Variants in SLC26A11 observed in about 807,000 individuals in gnomAD.
The protein encoded by SLC26A11 is solute carrier family 26 member 11.
In SLC26A11, 58 loss-of-function variants were observed where a neutral mutation model predicts 62.2. The observed-to-expected ratio is 0.93, with a 90% CI of 0.76 to 1.16. The LOEUF is 1.16. Ranked by LOEUF, SLC26A11 falls within the 50% of genes most tolerant of loss-of-function variation. SLC26A11 has a pLI of 0.00. For missense variants in SLC26A11, 790 were observed against 794.3 expected (o/e 0.99, Z 0.06); for synonymous variants, 411 against 368.9 (o/e 1.11, Z -1.31).
At chr17:80,225,732 C>T in intron 5 of SLC26A11, 105 bp from the exon 6 acceptor site, 1 of 1,007,220 alleles carries the variant, frequency 9.9e-7, no homozygotes, top group South Asian at 1.4e-5. Flanking sequence ...GGGAGCAGGG[C>T]CGGGGGACAC....
At chr17:80,244,929 C>T (rs2042954788) in intron 10 of SLC26A11, among the ~76,000 whole-genome samples, 3 of 144,114 alleles carry the variant, frequency 2.1e-5, no homozygotes, top group South Asian at 2.3e-4. Flanking sequence ...GAGCTGAGAT[C>T]GCGCCACTGC....
intron 5 of SLC26A11, among the ~76,000 whole-genome samples, chr17:80,224,211 ATGAG>A (rs796660814): frequency 1.3e-3 from 195 of 148,136 alleles, no homozygotes; most frequent in East Asian, 5.9e-3. Flanking sequence ...GAGTGTGTGA[ATGAG>A]TGAGTGTGTG....
Position 80,228,738 on chromosome 17 carries a change from G to A in SLC26A11, c.736+778G>A, listed in dbSNP as rs1384433008. Among the ~76,000 whole-genome samples the A allele has an allele frequency of 3.3e-5, 5 of 152,254 alleles. No individual in the cohort carries two copies. The highest frequency in any genetic ancestry group is 7.3e-5 in the Non-Finnish European group (5 of 68,050). Reference sequence around the variant, plus strand: ...GGTGGAGAAACACAGTCTACTGGCAGGTCCTGGGGAGACAGAACAAATTCC... The same window carrying A: ...GGTGGAGAAACACAGTCTACTGGCAAGTCCTGGGGAGACAGAACAAATTCC... On this transcript the variant is annotated intron_variant, in intron 7 of 17. Coordinates refer to ENST00000361193, the MANE Select transcript of SLC26A11 (RefSeq NM_001166347.2). The surrounding 1 kb of genome is among the most constrained non-coding windows in gnomAD (Gnocchi z 4.1).
At chr17:80,229,693 G>T (rs1453068721) in intron 7 of SLC26A11, among the ~76,000 whole-genome samples, 1 of 152,108 alleles carries the variant, frequency 6.6e-6, no homozygotes, top group Non-Finnish European at 1.5e-5. Context: ...GCCTCCCAAA[G>T]TGCTGAGATT....
intron 17 of SLC26A11, among the ~76,000 whole-genome samples, chr17:80,251,618 C>T (rs2043158499): frequency 6.6e-6 from 1 of 152,066 alleles, no homozygotes; most frequent in South Asian, 2.1e-4. Flanking sequence ...CAAAAATTAG[C>T]TGGGTGTGGT....
At chr17:80,248,732 TC>T in intron 15 of SLC26A11, 58 bp downstream of exon 15, 1 of 1,480,454 alleles carries the variant, frequency 6.8e-7, no homozygotes, top group South Asian at 1.2e-5. Flanking sequence ...TGCCCCCCAC[TC>T]CCTGCTGTTC....
In SLC26A11 at chr17:80,221,611, G is replaced by T; in HGVS notation, c.51G>T (p.Gly17=). 1 of 1,608,366 alleles carries T rather than the reference G, an allele frequency of 6.2e-7. No individual in the cohort carries two copies. Among genetic ancestry groups the T allele is most frequent in the Non-Finnish European group, 8.5e-7 (1 of 1,179,656 alleles). ...ALGQARSSGP[G]MAPSACCCSP... ...GTCAGGCCAGGTCCTCTGGCCCCGG[G>T]ATGGCCCCGAGCGCCTGCTGCTGCT... Residue 17 remains glycine, a synonymous_variant, in exon 3 of 18, where the codon GGG becomes GGT. Coordinates refer to ENST00000361193, the MANE Select transcript of SLC26A11 (RefSeq NM_001166347.2).
rs1213879337 is a variant in SLC26A11 at position 80,246,265 on chromosome 17, G to A, written c.1153+56G>A. 132 of 1,572,312 alleles carry A rather than the reference G, an allele frequency of 8.4e-5. No individual in the cohort carries two copies. Among genetic ancestry groups the A allele is most frequent in the Non-Finnish European group, 1.1e-4 (131 of 1,159,152 alleles). ...CAGCCCTGAGAGTGGGAGAAAGGGA[G>A]GAGGGGGCCCACAGAGACGTCCCTT... On this transcript the variant is annotated intron_variant, in intron 12 of 17. Transcript: ENST00000361193. The surrounding 1 kb of genome is among the most constrained non-coding windows in gnomAD (Gnocchi z 4.4).
At position 80,222,415 on chromosome 17, in the gene SLC26A11, A is replaced by C; in HGVS notation, c.235-240A>C. ...AGAATGCTTCCTCAGACTTGGACAC[A>C]GCACACGGGCCTGCACCGACCCCTC... On this transcript the variant is annotated intron_variant, in intron 3 of 17. Coordinates refer to ENST00000361193, the MANE Select transcript of SLC26A11 (RefSeq NM_001166347.2). The surrounding 1 kb of genome is among the most constrained non-coding windows in gnomAD (Gnocchi z 4.7). 4.3e-6 allele frequency: 2 copies of C among 469,208 alleles called. No individual in the cohort carries two copies. The highest frequency in any genetic ancestry group is 4.5e-5 in the South Asian group (1 of 22,284). 29.1% of individuals were successfully genotyped at this position (469,208 alleles called of 1,614,324 possible). A position where few individuals can be genotyped will look rare whatever the true frequency, so the allele number is the denominator to read the frequency against.
intron 2 of SLC26A11, 68 bp from the exon 3 acceptor site, chr17:80,221,480 G>T: frequency 1.7e-6 from 2 of 1,205,632 alleles, no homozygotes; most frequent in South Asian, 3.1e-5. Flanking sequence ...CGCCGACCCT[G>T]ACCAGTGTTG....
In SLC26A11 at chr17:80,236,963, G is replaced by T; in HGVS notation, c.772G>T (p.Val258Phe). Residue 258 changes from valine (V) to phenylalanine (F), a missense_variant, in exon 8 of 18, where the codon GTT (valine) becomes TTT (phenylalanine). By Grantham distance (50) the Val-to-Phe change is conservative. Coordinates refer to ENST00000361193, the MANE Select transcript of SLC26A11 (RefSeq NM_001166347.2). The stretch of plus-strand genomic sequence containing the variant: ...CCTGGTGGTCTCCTTCGCAGCCCTG[G>T]TTGCGTACTCCTTCGAGGTGACTGG... ...NALVVSFAAL[V>F]AYSFEVTGYQ... 4 of 1,613,988 alleles carry T rather than the reference G, an allele frequency of 2.5e-6. No homozygotes were observed. Among genetic ancestry groups the T allele is most frequent in the Non-Finnish European group, 3.4e-6 (4 of 1,179,902 alleles).
chr17:80,220,522 C>T lies in SLC26A11; in HGVS notation c.-214+26C>T. ...GTGAGTCCGTGGCCCGCGAGGGCGG[C>T]GAGCGGGGACCAGGGGCAGGGGGAG... On this transcript the variant is annotated intron_variant, in intron 1 of 17. Coordinates refer to ENST00000361193, the MANE Select transcript of SLC26A11 (RefSeq NM_001166347.2). 6.8e-6 allele frequency: 3 copies of T among 438,434 alleles called. No individual in the cohort carries two copies. In the East Asian group the frequency reaches 1.1e-4, roughly 17 times the overall value. The allele number at this position is 438,434 out of a possible 1,614,324, so 27.2% of individuals were successfully genotyped here.
Position 80,243,605 on chromosome 17 carries a change from C to T in SLC26A11, c.1037-1591C>T, listed in dbSNP as rs142729873. On this transcript the variant is annotated intron_variant, in intron 10 of 17. Transcript: ENST00000361193. ...TAGGACGAGGTTTTGCCATGTTGGC[C>T]AGGCGGGTCTCAAGCTGCTGACCTC... 7.6e-3 allele frequency among the ~76,000 whole-genome samples: 1,165 copies of T among 152,290 alleles called. 66 individuals carry two copies. Among genetic ancestry groups the T allele is most frequent in the Admixed American group, 0.069 (1,063 of 15,296 alleles).
chr17:80,239,953 G>A (rs118190870), intron 9 of SLC26A11, among the ~76,000 whole-genome samples: 1,904 of 152,378 alleles, frequency 0.012, 13 homozygotes, highest in Non-Finnish European at 0.019. Context: ...TGTGCTGTCC[G>A]TGGCTGCTTT....
In SLC26A11 at chr17:80,228,596, C is replaced by T. The variant is rs138469401; in HGVS notation, c.736+636C>T. Among the ~76,000 whole-genome samples the T allele has an allele frequency of 2.9e-3, 442 of 152,330 alleles. 6 individuals are homozygous for T. The highest frequency in any genetic ancestry group is 0.01 in the African/African-American group (426 of 41,582). ...GGGAAACATTTTTGGTGGATACCAC[C>T]GGGCGAGGCAGTTGCTGGCAACTAG... On this transcript the variant is annotated intron_variant, in intron 7 of 17. Coordinates refer to ENST00000361193, the MANE Select transcript of SLC26A11 (RefSeq NM_001166347.2). This position sits in a 1 kb window ranked among gnomAD's most constrained non-coding sequence, Gnocchi z 4.1.
At chr17:80,236,118 T>A (rs956241029) in intron 7 of SLC26A11, among the ~76,000 whole-genome samples, 1 of 152,216 alleles carries the variant, frequency 6.6e-6, no homozygotes, top group Admixed American at 6.5e-5. Flanking sequence ...GAGTCCCTGA[T>A]GCTCCATGAA....
At chr17:80,230,943 G>C (rs971815242) in intron 7 of SLC26A11, among the ~76,000 whole-genome samples, 6 of 152,112 alleles carry the variant, frequency 3.9e-5, no homozygotes, top group African/African-American at 1.4e-4. Flanking sequence ...ACTGGGAAGA[G>C]GCAGAACAAG....
At chr17:80,239,103 A>T (rs1483965582) in intron 9 of SLC26A11, among the ~76,000 whole-genome samples, 4 of 133,394 alleles carry the variant, frequency 3.0e-5, no homozygotes, top group African/African-American at 2.8e-5. Context: ...TTTTTGAGAT[A>T]GTGTTTCACT....
At position 80,251,381 on chromosome 17, in the gene SLC26A11, T is replaced by A; in HGVS notation, c.1709T>A (p.Phe570Tyr). 6.2e-7 allele frequency: 1 copy of A among 1,614,076 alleles called. No homozygotes were observed. Residue 570 changes from phenylalanine to tyrosine, a missense_variant, in exon 17 of 18, where the codon TTC (phenylalanine) becomes TAC (tyrosine). Phe to Tyr is a conservative substitution (Grantham distance 22). Coordinates refer to ENST00000361193, the MANE Select transcript of SLC26A11 (RefSeq NM_001166347.2). ...LSADLKGFQY[F>Y]STLEEAEKHL... ...GCTGACCTGAAGGGGTTCCAGTACT[T>A]CTCTACCCTGGAAGAAGCAGGTGGG...
Sources: allele counts gnomAD v4.1 joint callset (sites outside exome capture counted in the v4.1 genomes callset), GRCh38; gene constraint gnomAD v4.1.1; non-coding constraint Gnocchi (gnomAD v3.1); transcripts MANE v1.5; gene names NCBI Gene and HGNC (gene_info 2026-07-23, HGNC 2026-07-21).